MYO5B: variants seen among roughly 807,000 people sequenced by gnomAD.
The protein encoded by MYO5B is myosin VB, also known as unconventional myosin-Vb.
A neutral mutation model predicts 229.3 loss-of-function variants in MYO5B; 143 were observed. The ratio of observed to expected loss-of-function variants is 0.62; its 90% confidence interval spans 0.54 to 0.72. The LOEUF (loss-of-function observed/expected upper bound fraction) is 0.72, where lower values mean the gene tolerates loss of function less well. Ranked by LOEUF, MYO5B falls within the 30% of genes least tolerant of loss-of-function variation. MYO5B has a pLI of 0.00. For synonymous variants in MYO5B, 918 were observed against 885.2 expected, an observed-to-expected ratio of 1.04 and a Z score of -0.66; for missense variants, 2,321 against 2,331.0, an observed-to-expected ratio of 1.00 and a Z score of 0.09.
intron 4 of MYO5B, among the ~76,000 whole-genome samples, chr18:50,012,650 G>A (rs1469704953): frequency 1.3e-5 from 2 of 152,182 alleles, no homozygotes; most frequent in Non-Finnish European, 2.9e-5. Flanking sequence ...TAGAAAACCT[G>A]CCCTGAAAAT....
intron 39 of MYO5B, among the ~76,000 whole-genome samples, chr18:49,829,751 C>G (rs972009417): frequency 6.6e-6 from 1 of 152,108 alleles, no homozygotes; most frequent in African/African-American, 2.4e-5. Flanking sequence ...TACACCATGA[C>G]CAAGCAAGAT....
chr18:49,942,395 A>C (rs1240077499), intron 14 of MYO5B, among the ~76,000 whole-genome samples: 1 of 141,884 alleles, frequency 7.0e-6, no homozygotes. Flanking sequence ...AAAAAAAAAA[A>C]AAAAAAAAAA....
At chr18:50,140,703 G>C (rs1019899911) in intron 1 of MYO5B, among the ~76,000 whole-genome samples, 7 of 152,148 alleles carry the variant, frequency 4.6e-5, no homozygotes, top group Non-Finnish European at 8.8e-5. Flanking sequence ...GTAGAAGGGG[G>C]TGCAAACCAT....
Position 49,849,562 on chromosome 18 carries a change from C to G in MYO5B, c.4315+5G>C, listed in dbSNP as rs488890. The stretch of plus-strand genomic sequence containing the variant: ...CACAAAACACACTCACTCACACCCC[C>G]CTACCTTCTAGGTCCTGGGCTTTCT... On this transcript the variant is annotated splice_donor_5th_base_variant and intron_variant, in intron 32 of 39. Coordinates refer to ENST00000285039, the MANE Select transcript of MYO5B (RefSeq NM_001080467.3). 727,531 of 1,599,336 alleles carry G rather than the reference C, an allele frequency of 0.45. 171,694 individuals carry two copies. The highest frequency in any genetic ancestry group is 0.51 in the Middle Eastern group (2,364 of 4,672).
chr18:49,946,554 G>C (rs1790790), intron 14 of MYO5B, among the ~76,000 whole-genome samples: 3,466 of 152,270 alleles, frequency 0.023, 132 homozygotes, highest in African/African-American at 0.071. Flanking sequence ...GCTTCCATTA[G>C]AAAGGCTATC....
Position 49,860,240 on chromosome 18 carries a change from C to A in MYO5B, c.3944+2987G>T, listed in dbSNP as rs182580498. Among the ~76,000 whole-genome samples, 42 of 152,298 alleles carry A rather than the reference C, an allele frequency of 2.8e-4. No individual in the cohort carries two copies. In the East Asian group the frequency reaches 6.6e-3, roughly 24 times the overall value. ...GCCCTGGCCACACTCCTGCCCCTAC[C>A]TAACTCTGACTTTAAGTGCTCACCC... On this transcript the variant is annotated intron_variant, in intron 29 of 39. Transcript: ENST00000285039.
rs1225452448 is a variant in MYO5B, at chr18:49,885,687, C to T, written c.3046-5232G>A. 2.0e-5 allele frequency among the ~76,000 whole-genome samples: 3 copies of T among 152,100 alleles called. No homozygotes were observed. In the East Asian group the frequency reaches 5.8e-4, roughly 29 times the overall value. On this transcript the variant is annotated intron_variant, in intron 22 of 39. Coordinates refer to ENST00000285039, the MANE Select transcript of MYO5B (RefSeq NM_001080467.3). The stretch of plus-strand genomic sequence containing the variant: ...GTTAATAAGGGAGGAGCTGCCCCAC[C>T]CTCGGCATCAGGTAGAAAGGGGCAG...
intron 1 of MYO5B, among the ~76,000 whole-genome samples, chr18:50,185,399 T>A (rs748714417): frequency 7.2e-5 from 11 of 152,162 alleles, no homozygotes; most frequent in Admixed American, 2.0e-4. Context: ...ATGAAGACTA[T>A]AAATGTGCAT....
rs1341359379 is a variant in MYO5B at position 50,046,786 on chromosome 18, A to T, written c.139-6472T>A. On this transcript the variant is annotated intron_variant, in intron 2 of 39. Coordinates refer to ENST00000285039, the MANE Select transcript of MYO5B (RefSeq NM_001080467.3). ...ACAGAGCCCTCAGAAATAACGCCGCATATCTACAACTATCTAATCTTTGAC... is the reference window on the plus strand; with the variant it reads ...ACAGAGCCCTCAGAAATAACGCCGCTTATCTACAACTATCTAATCTTTGAC... 3.9e-5 allele frequency among the ~76,000 whole-genome samples: 6 copies of T among 152,328 alleles called. No individual in the cohort carries two copies. The East Asian group carries it at 1.2e-3, about 29-fold the overall frequency.
At chr18:50,166,694 T>G (rs2032857320) in intron 1 of MYO5B, among the ~76,000 whole-genome samples, 1 of 152,136 alleles carries the variant, frequency 6.6e-6, no homozygotes. Context: ...AAACCATTTA[T>G]CAGTTTGAAG....
chr18:50,148,883 G>A (rs533123825), intron 1 of MYO5B, among the ~76,000 whole-genome samples: 3 of 152,220 alleles, frequency 2.0e-5, no homozygotes, highest in Non-Finnish European at 4.4e-5. Flanking sequence ...AGGAAAAGAG[G>A]AAGTCAAATT....
intron 4 of MYO5B, among the ~76,000 whole-genome samples, chr18:50,007,579 A>C (rs899604850): frequency 1.3e-5 from 2 of 152,154 alleles, no homozygotes; most frequent in Admixed American, 1.3e-4. Flanking sequence ...GGGACCGAGC[A>C]CCTCTCTCCA....
chr18:49,992,230 A>T, intron 6 of MYO5B, 58 bp downstream of exon 6: 1 of 1,610,544 alleles, frequency 6.2e-7, no homozygotes, highest in Non-Finnish European at 8.5e-7. Flanking sequence ...GGCAGGGAGC[A>T]GAAGTAAGGT....
At position 49,953,279 on chromosome 18, in the gene MYO5B, T is replaced by C. The variant is rs778745198; in HGVS notation, c.1733A>G (p.Asn578Ser). 5.0e-6 allele frequency: 8 copies of C among 1,614,080 alleles called. No individual in the cohort carries two copies. The highest frequency in any genetic ancestry group is 4.5e-5 in the East Asian group (2 of 44,894). Residue 578 changes from asparagine (N) to serine (S), a missense_variant, in exon 14 of 40, where the codon AAT becomes AGT. By Grantham distance (46) the Asn-to-Ser change is conservative. Coordinates refer to ENST00000285039, the MANE Select transcript of MYO5B (RefSeq NM_001080467.3). ...CTTTACCTTGCTGGCCTTCAGGATA[T>C]TGATCTGCTCTTCATACACCGTGTC... ...NRDTVYEEQI[N>S]ILKASKFPLV...
intron 2 of MYO5B, among the ~76,000 whole-genome samples, chr18:50,044,841 T>C (rs1426080123): frequency 6.6e-6 from 1 of 151,538 alleles, no homozygotes. Context: ...CAGCCTATGC[T>C]TTGTCCAGGG....
chr18:49,908,794 A>G (rs1213974551), intron 18 of MYO5B, among the ~76,000 whole-genome samples: 3 of 152,194 alleles, frequency 2.0e-5, no homozygotes, highest in African/African-American at 7.2e-5. Flanking sequence ...TAACCCTCAC[A>G]CTAACCCCTC....
intron 14 of MYO5B, among the ~76,000 whole-genome samples, chr18:49,943,081 C>T (rs1207525834): frequency 2.0e-5 from 3 of 151,804 alleles, no homozygotes; most frequent in Non-Finnish European, 4.4e-5. Flanking sequence ...ATGGATAAAG[C>T]TGGAAACCAT....
chr18:49,853,382 C>A (rs926170545), intron 31 of MYO5B, 67 bp downstream of exon 31: 1 of 1,569,688 alleles, frequency 6.4e-7, no homozygotes, highest in Non-Finnish European at 8.8e-7. Context: ...CCAAAGGCAA[C>A]CCCGATCCCA....
intron 4 of MYO5B, among the ~76,000 whole-genome samples, chr18:50,012,665 C>T (rs1246410398): frequency 6.6e-6 from 1 of 152,218 alleles, no homozygotes; most frequent in African/African-American, 2.4e-5. Flanking sequence ...GAAAATTCAC[C>T]AGAAAGAAAG....
Sources: allele counts gnomAD v4.1 joint callset (sites outside exome capture counted in the v4.1 genomes callset), GRCh38; gene constraint gnomAD v4.1.1; transcripts MANE v1.5; gene names NCBI Gene and HGNC (gene_info 2026-07-23, HGNC 2026-07-21).